The following SH3BP4 variants were observed in gnomAD, a reference collection of about 807,000 sequenced individuals.
SH3BP4 encodes the protein SH3 domain binding protein 4.
A neutral mutation model predicts 65.5 loss-of-function variants in SH3BP4; 33 were observed. The ratio of observed to expected loss-of-function variants is 0.50; its 90% CI spans 0.38 to 0.67. SH3BP4 has a LOEUF of 0.67. Ranked by LOEUF, SH3BP4 falls within the 30% of genes least tolerant of loss-of-function variation. The pLI, the probability that SH3BP4 is intolerant of heterozygous loss-of-function variation, is 0.00. For synonymous variants in SH3BP4, 552 were observed against 545.5 expected (o/e 1.01, Z -0.17); for missense variants, 1,134 against 1,261.4 (o/e 0.90, Z 1.53).
intron 1 of SH3BP4, among the ~76,000 whole-genome samples, chr2:234,960,783 C>A (rs527305597): frequency 2.6e-5 from 4 of 152,128 alleles, no homozygotes; most frequent in Admixed American, 1.3e-4. Context: ...GCTGTTTCTT[C>A]GAAATCAATC....
In SH3BP4 at chr2:234,952,814, G is replaced by A. The variant is rs1692504045; in HGVS notation, c.-207+644G>A. 1 of 152,242 alleles carries A rather than the reference G, an allele frequency of 6.6e-6. No homozygotes were observed. Among genetic ancestry groups the A allele is most frequent in the African/African-American group, 2.4e-5 (1 of 41,470 alleles). The allele number at this position is 152,242 out of a possible 1,614,324, so 9.4% of individuals were successfully genotyped here. On this transcript the variant is annotated intron_variant, in intron 1 of 5. Transcript: ENST00000392011. The surrounding 1 kb of genome is among the most constrained non-coding windows in gnomAD (Gnocchi z 6.5). ...GACAGCGCCGGCGGCCCGCGGGCGGGGACCGGCTGGGATAGAGGCGCGTTG... is the reference window on the plus strand; with the variant it reads ...GACAGCGCCGGCGGCCCGCGGGCGGAGACCGGCTGGGATAGAGGCGCGTTG...
chr2:235,008,546 T>C (rs1333462421), intron 2 of SH3BP4: 2 of 152,224 alleles, frequency 1.3e-5, no homozygotes, highest in African/African-American at 4.8e-5. Flanking sequence ...TAATGCTCCT[T>C]AGGTACTTTC....
At chr2:234,982,645 A>G (rs1364277756) in intron 1 of SH3BP4, among the ~76,000 whole-genome samples, 1 of 151,842 alleles carries the variant, frequency 6.6e-6, no homozygotes, top group Non-Finnish European at 1.5e-5. Context: ...CTTGAGGGAG[A>G]GGCAGTTTTT....
At chr2:235,022,521 CA>C (rs986982737) in intron 2 of SH3BP4, among the ~76,000 whole-genome samples, 57 of 140,876 alleles carry the variant, frequency 4.0e-4, no homozygotes, top group Admixed American at 4.2e-4. Context: ...ACTCTGTCTC[CA>C]AAAAAAAAAA....
chr2:235,002,027 A>AT (rs1355645541), intron 2 of SH3BP4, among the ~76,000 whole-genome samples: 3 of 151,234 alleles, frequency 2.0e-5, no homozygotes, highest in African/African-American at 7.4e-5. Context: ...CACCTGGCTA[A>AT]TTTTTGTATT....
In SH3BP4 at chr2:235,034,200, G is replaced by A. The variant is rs148089586; in HGVS notation, c.-132-671G>A. On this transcript the variant is annotated intron_variant, in intron 2 of 5. Coordinates refer to ENST00000392011, the MANE Select transcript of SH3BP4 (RefSeq NM_014521.3). The surrounding 1 kb of genome is among the most constrained non-coding windows in gnomAD (Gnocchi z 6.2). ...CAGAGGCCTTAGGGGTGATTCTTGT[G>A]GTCTCTTCCACGGAAAGATCTTTCC... is the stretch of plus-strand genomic sequence containing the variant. 1.3e-5 allele frequency among the ~76,000 whole-genome samples: 2 copies of A among 152,246 alleles called. No individual in the cohort carries two copies. The highest frequency in any genetic ancestry group is 3.9e-4 in the East Asian group (2 of 5,182).
chr2:235,053,977 C>T lies in SH3BP4; in HGVS notation c.*161C>T, dbSNP rs936935883. 6.5e-6 allele frequency: 4 copies of T among 611,026 alleles called. No homozygotes were observed. Among genetic ancestry groups the T allele is most frequent in the African/African-American group, 1.8e-5 (1 of 54,134 alleles). 37.9% of individuals were successfully genotyped at this position (611,026 alleles called of 1,614,324 possible). ...CCCATCATGCGCCGCCCTCCTCCAT[C>T]GAGGGAGAGGCCTGAAGGGACTGCC... On this transcript the variant is annotated 3_prime_UTR_variant, in exon 6 of 6. Coordinates refer to ENST00000392011, the MANE Select transcript of SH3BP4 (RefSeq NM_014521.3).
rs1448614988 is a variant in SH3BP4 at position 234,967,847 on chromosome 2, A to G, written c.-207+15677A>G. On this transcript the variant is annotated intron_variant, in intron 1 of 5. Coordinates refer to ENST00000392011, the MANE Select transcript of SH3BP4 (RefSeq NM_014521.3). The surrounding 1 kb of genome is among the most constrained non-coding windows in gnomAD (Gnocchi z 4.6). ...CTGAGTGGCGGATGCTGCAGAGACA[A>G]CTCTTTATACCTGAGAAGCTTGCCC... Among the ~76,000 whole-genome samples the G allele has an allele frequency of 6.6e-6, 1 of 151,404 alleles. No homozygotes were observed.
rs140675839 is a variant in SH3BP4 at position 234,998,979 on chromosome 2, A to T, written c.-133+3603A>T. On this transcript the variant is annotated intron_variant, in intron 2 of 5. Transcript: ENST00000392011. ...AGATAATCCAATAGAGGAGAAGGGC[A>T]CTTGAGGCCATGCAGCGGCTGAACG... Among the ~76,000 whole-genome samples, 3 of 152,340 alleles carry T rather than the reference A, an allele frequency of 2.0e-5. No individual in the cohort carries two copies. The East Asian group carries it at 5.8e-4, about 29-fold the overall frequency.
chr2:234,978,761 G>A lies in SH3BP4; in HGVS notation c.-206-16542G>A, dbSNP rs1693254307. 1 of 152,198 alleles carries A rather than the reference G, an allele frequency of 6.6e-6. No homozygotes were observed. The highest frequency in any genetic ancestry group is 1.5e-5 in the Non-Finnish European group (1 of 68,060). The allele number at this position is 152,198 out of a possible 1,614,324, so 9.4% of individuals were successfully genotyped here. ...TTCGAGGTCCTGGAGGGGAGCCCTGGCCCTGTGGAGAGAGACCGAGTCGTG... is the reference window on the plus strand; with the variant it reads ...TTCGAGGTCCTGGAGGGGAGCCCTGACCCTGTGGAGAGAGACCGAGTCGTG... On this transcript the variant is annotated intron_variant, in intron 1 of 5. Coordinates refer to ENST00000392011, the MANE Select transcript of SH3BP4 (RefSeq NM_014521.3). This position sits in a 1 kb window ranked among gnomAD's most constrained non-coding sequence, Gnocchi z 4.1.
At chr2:235,004,737 C>T (rs1694240465) in intron 2 of SH3BP4, among the ~76,000 whole-genome samples, 1 of 152,198 alleles carries the variant, frequency 6.6e-6, no homozygotes, top group South Asian at 2.1e-4. Flanking sequence ...CATAATATTC[C>T]ATTGTATGGC....
intron 3 of SH3BP4, among the ~76,000 whole-genome samples, chr2:235,038,313 TATATA>T (rs1559254338): frequency 0.038 from 551 of 14,636 alleles, 45 homozygotes; most frequent in African/African-American, 0.12. Flanking sequence ...ATATATATAT[TATATA>T]TTATATATAT....
Position 234,991,954 on chromosome 2 carries a change from A to T in SH3BP4, c.-206-3349A>T, listed in dbSNP as rs770674108. On this transcript the variant is annotated intron_variant, in intron 1 of 5. Coordinates refer to ENST00000392011, the MANE Select transcript of SH3BP4 (RefSeq NM_014521.3). The surrounding 1 kb of genome is among the most constrained non-coding windows in gnomAD (Gnocchi z 4.2). ...GTCCCCCCATACTTAGGCATGAGGT[A>T]TGAGTTTACCCAATCATCCCCCTGT... is the stretch of plus-strand genomic sequence containing the variant. Among the ~76,000 whole-genome samples, 1 of 152,178 alleles carries T rather than the reference A, an allele frequency of 6.6e-6. No homozygotes were observed. The highest frequency in any genetic ancestry group is 1.5e-5 in the Non-Finnish European group (1 of 68,024).
At chr2:234,995,758 C>T (rs75564117) in intron 2 of SH3BP4, 2,448 of 152,586 alleles carry the variant, frequency 0.016, 74 homozygotes, top group African/African-American at 0.056. Flanking sequence ...CTAGCAGCTC[C>T]CCCACCCCAG....
chr2:235,014,840 C>T (rs1313679281), intron 2 of SH3BP4, among the ~76,000 whole-genome samples: 1 of 152,198 alleles, frequency 6.6e-6, no homozygotes, highest in Admixed American at 6.5e-5. Flanking sequence ...CAAAGACAGT[C>T]ACATTTACAG....
intron 1 of SH3BP4, among the ~76,000 whole-genome samples, chr2:234,981,274 T>C (rs1386622714): frequency 6.6e-6 from 1 of 152,182 alleles, no homozygotes; most frequent in African/African-American, 2.4e-5. Flanking sequence ...TGTTTATCGC[T>C]CTTGCTTGAT....
intron 2 of SH3BP4, among the ~76,000 whole-genome samples, chr2:235,022,949 G>A (rs1383075836): frequency 6.6e-6 from 1 of 152,146 alleles, no homozygotes; most frequent in East Asian, 1.9e-4. Context: ...CCTTGACCTT[G>A]TCCCTCCTCA....
Position 235,042,680 on chromosome 2 carries a change from C to T in SH3BP4, c.1911C>T (p.Ser637=), listed in dbSNP as rs777017812. 1 of 1,614,162 alleles carries T rather than the reference C, an allele frequency of 6.2e-7. No individual in the cohort carries two copies. The highest frequency in any genetic ancestry group is 8.5e-7 in the Non-Finnish European group (1 of 1,180,040). The change falls in exon 4 of 6, where the codon TCC becomes TCT. Residue 637 remains serine, a synonymous_variant. Transcript: ENST00000392011. This position sits in a 1 kb window ranked among gnomAD's most constrained non-coding sequence, Gnocchi z 7.3. ...ACGAAGTCGGGAAAATCATCCTGTC[C>T]CCGTTTGCCACCACTACAAAGTACC... The part of the protein sequence containing the change: ...KKNEVGKIIL[S]PFATTTKYPT...
intron 2 of SH3BP4, among the ~76,000 whole-genome samples, chr2:235,010,928 C>T (rs1466582063): frequency 6.7e-6 from 1 of 149,052 alleles, no homozygotes; most frequent in Non-Finnish European, 1.5e-5. Context: ...CCTCCCTCTT[C>T]TAGGAGAACC....
Sources: gnomAD v4.1 joint callset for allele counts (sites outside exome capture counted in the v4.1 genomes callset) on GRCh38, gnomAD v4.1.1 for gene constraint, Gnocchi (gnomAD v3.1) non-coding constraint, MANE v1.5 for transcripts, NCBI Gene and HGNC (gene_info 2026-07-23, HGNC 2026-07-21) for gene names.